Variants in ADAMTS2 observed in about 807,000 individuals in gnomAD.
The protein encoded by ADAMTS2 is A disintegrin and metalloproteinase with thrombospondin motifs 2.
Under a neutral mutation model 123.0 loss-of-function variants are expected in ADAMTS2, and 50 were observed. The observed-to-expected ratio is 0.41, with a 90% CI of 0.32 to 0.51. The LOEUF is 0.51. Among genes scored for constraint, ADAMTS2 ranks in the 20% least tolerant of loss-of-function variants. ADAMTS2 has a pLI of 0.35. For synonymous variants in ADAMTS2, 678 were observed against 695.4 expected, an observed-to-expected ratio of 0.98 and a Z score of 0.39; for missense variants, 1,494 against 1,705.2, an observed-to-expected ratio of 0.88 and a Z score of 2.18.
chr5:179,137,970 C>T lies in ADAMTS2; in HGVS notation c.1776-26G>A, dbSNP rs9286045. ...CTGGAGGAGAAAGCAAAGGCCTTGC[C>T]GCTCCGTGCCATTGGAAAGAGGCAG... On this transcript the variant is annotated intron_variant, in intron 11 of 21. Transcript: ENST00000251582. 209,864 of 1,539,564 alleles carry T rather than the reference C, an allele frequency of 0.14. 16,399 individuals carry two copies. Among genetic ancestry groups the T allele is most frequent in the African/African-American group, 0.32 (23,743 of 73,092 alleles).
chr5:179,114,324 T>C lies in ADAMTS2; in HGVS notation c.3179A>G (p.Lys1060Arg), dbSNP rs1467370354. Residue 1060 changes from lysine to arginine, a missense_variant and splice_region_variant, in exon 22 of 22, where the codon AAG (lysine) becomes AGG (arginine). Coordinates refer to ENST00000251582, the MANE Select transcript of ADAMTS2 (RefSeq NM_014244.5). ...PDSPIRKISS[K>R]GHCQGDKSIF... ...TGACTTGTCGCCTTGGCAGTGGCCC[T>C]CTGAAAAAGAAAAGTGGGACAAATA... 2 of 1,612,852 alleles carry C rather than the reference T, an allele frequency of 1.2e-6. No individual in the cohort carries two copies. The highest frequency in any genetic ancestry group is 1.1e-5 in the South Asian group (1 of 90,876).
Position 179,137,934 on chromosome 5 carries a change from C to G in ADAMTS2, c.1786G>C (p.Gly596Arg), listed in dbSNP as rs1374510958. 6.5e-7 allele frequency: 1 copy of G among 1,547,270 alleles called. No homozygotes were observed. The highest frequency in any genetic ancestry group is 8.7e-7 in the Non-Finnish European group (1 of 1,147,700). The change falls in exon 12 of 22, where the codon GGG (glycine) becomes CGG (arginine). Residue 596 changes from glycine (G) to arginine (R), a missense_variant. This residue lies in a region of ADAMTS2 where 953 missense variants were observed against 1,124.7 expected (regional missense o/e 0.85). Transcript: ENST00000251582. ...RQCDNPHPAN[G>R]GRTCSGLAYD... The stretch of plus-strand genomic sequence containing the variant: ...GCAAGGCCCGAGCAGGTGCGGCCCC[C>G]GTTGGCCGGGCTGGAGGAGAAAGCA...
At chr5:179,246,642 A>G (rs1765806807) in intron 3 of ADAMTS2, among the ~76,000 whole-genome samples, 1 of 152,214 alleles carries the variant, frequency 6.6e-6, no homozygotes, top group Non-Finnish European at 1.5e-5. Context: ...TAGGGTCTGT[A>G]CAAGTAGGAA....
rs992913765 is a variant in ADAMTS2, at chr5:179,317,492, A to G, written c.534+26275T>C. Among the ~76,000 whole-genome samples, 1 of 152,044 alleles carries G rather than the reference A, an allele frequency of 6.6e-6. No individual in the cohort carries two copies. The highest frequency in any genetic ancestry group is 2.4e-5 in the African/African-American group (1 of 41,398). On this transcript the variant is annotated intron_variant, in intron 2 of 21. Coordinates refer to ENST00000251582, the MANE Select transcript of ADAMTS2 (RefSeq NM_014244.5). This position sits in a 1 kb window ranked among gnomAD's most constrained non-coding sequence, Gnocchi z 4.9. ...GAGCAGGTGGGCGGAGGGTGCACTC[A>G]TGAGACTTCTATAAGCACGGACCCA...
At chr5:179,274,054 G>A (rs11249620) in intron 2 of ADAMTS2, among the ~76,000 whole-genome samples, 46,918 of 138,830 alleles carry the variant, frequency 0.34, 8,951 homozygotes, top group Admixed American at 0.43. Flanking sequence ...TTCCCCCTTC[G>A]AGGCCTGATT....
In ADAMTS2 at chr5:179,148,273, C is replaced by A. The variant is rs377744694; in HGVS notation, c.1629+3869G>T. 2.0e-5 allele frequency among the ~76,000 whole-genome samples: 3 copies of A among 152,262 alleles called. No homozygotes were observed. In the East Asian group the frequency reaches 5.8e-4, roughly 29 times the overall value. The stretch of plus-strand genomic sequence containing the variant: ...CTGGCACAGCAGACCCTGTGCTGTG[C>A]CACCCAGATCCCTCTTCAGGACCAA... On this transcript the variant is annotated intron_variant, in intron 10 of 21. Coordinates refer to ENST00000251582, the MANE Select transcript of ADAMTS2 (RefSeq NM_014244.5).
At chr5:179,280,531 A>G (rs549568083) in intron 2 of ADAMTS2, among the ~76,000 whole-genome samples, 2 of 152,298 alleles carry the variant, frequency 1.3e-5, no homozygotes, top group Admixed American at 6.5e-5. Flanking sequence ...AAACTCTACT[A>G]GGACCAAGGA....
intron 3 of ADAMTS2, among the ~76,000 whole-genome samples, chr5:179,218,152 A>T (rs1765046022): frequency 6.6e-6 from 1 of 152,242 alleles, no homozygotes; most frequent in Non-Finnish European, 1.5e-5. Context: ...CCAGAATGCC[A>T]GCCCAGTTCC....
Position 179,234,119 on chromosome 5 carries a change from T to TG in ADAMTS2, c.689-26405dup, listed in dbSNP as rs1278395866. ...CTAATGTCCTCCCAGTAACTCTTCCTGGCTCAGGGCAGCTGGACTTCATGC... is the reference window on the plus strand; with the variant it reads ...CTAATGTCCTCCCAGTAACTCTTCCTGGGCTCAGGGCAGCTGGACTTCATGC... On this transcript the variant is annotated intron_variant, in intron 3 of 21. Transcript: ENST00000251582. This position sits in a 1 kb window ranked among gnomAD's most constrained non-coding sequence, Gnocchi z 4.7. Among the ~76,000 whole-genome samples, 7 of 152,158 alleles carry TG rather than the reference T, an allele frequency of 4.6e-5. No homozygotes were observed. Among genetic ancestry groups the TG allele is most frequent in the Non-Finnish European group, 8.8e-5 (6 of 68,012 alleles).
chr5:179,255,807 C>T (rs921716133), intron 3 of ADAMTS2, among the ~76,000 whole-genome samples: 5 of 152,180 alleles, frequency 3.3e-5, no homozygotes, highest in Non-Finnish European at 7.4e-5. Context: ...CTTGCTCCTT[C>T]CTGGTGTCTT....
intron 4 of ADAMTS2, among the ~76,000 whole-genome samples, chr5:179,207,312 A>G (rs572254419): frequency 2.0e-5 from 3 of 152,310 alleles, no homozygotes; most frequent in Admixed American, 1.3e-4. Flanking sequence ...CGATGTGCAG[A>G]CGAGAGAACT....
chr5:179,281,105 G>T (rs1561681616), intron 2 of ADAMTS2, among the ~76,000 whole-genome samples: 2 of 152,202 alleles, frequency 1.3e-5, no homozygotes, highest in Non-Finnish European at 2.9e-5. Context: ...TGATCCACCT[G>T]CCTCGGCCTC....
intron 2 of ADAMTS2, among the ~76,000 whole-genome samples, chr5:179,322,966 C>T (rs908550888): frequency 2.6e-5 from 4 of 152,222 alleles, no homozygotes. Flanking sequence ...AGCATGGGTG[C>T]GTGAGGACTG....
chr5:179,269,542 G>A (rs1766471257), intron 3 of ADAMTS2, among the ~76,000 whole-genome samples: 1 of 152,112 alleles, frequency 6.6e-6, no homozygotes. Flanking sequence ...AGAACAGCAT[G>A]GGAAAGACCC....
rs1257109395 is a variant in ADAMTS2, at chr5:179,234,312, T to A, written c.689-26597A>T. Among the ~76,000 whole-genome samples the A allele has an allele frequency of 1.3e-5, 2 of 152,130 alleles. No individual in the cohort carries two copies. Among genetic ancestry groups the A allele is most frequent in the Admixed American group, 1.3e-4 (2 of 15,278 alleles). ...CTCAGGTGACTTCTCCAGCTCTGCA[T>A]GGAGAAGGCCTCACCATGCATCTCA... On this transcript the variant is annotated intron_variant, in intron 3 of 21. Coordinates refer to ENST00000251582, the MANE Select transcript of ADAMTS2 (RefSeq NM_014244.5). The surrounding 1 kb of genome is among the most constrained non-coding windows in gnomAD (Gnocchi z 4.7).
In ADAMTS2 at chr5:179,345,371, CG is replaced by C. The variant is rs1239059218; in HGVS notation, c.-44del. ...CGGGGCCCCGCACTCGCAGCCGGCGCGAAAGTTCCCCGCGAGCCGCCCAGCC... is the reference window on the plus strand; with the variant it reads ...CGGGGCCCCGCACTCGCAGCCGGCGCAAAGTTCCCCGCGAGCCGCCCAGCC... On this transcript the variant is annotated 5_prime_UTR_variant, in exon 1 of 22. Coordinates refer to ENST00000251582, the MANE Select transcript of ADAMTS2 (RefSeq NM_014244.5). This position sits in a 1 kb window ranked among gnomAD's most constrained non-coding sequence, Gnocchi z 7.5. 1.4e-5 allele frequency: 16 copies of C among 1,120,260 alleles called. No individual in the cohort carries two copies. The highest frequency in any genetic ancestry group is 1.7e-5 in the Non-Finnish European group (16 of 916,632). The allele number at this position is 1,120,260 out of a possible 1,614,324, so 69.4% of individuals were successfully genotyped here.
intron 5 of ADAMTS2, among the ~76,000 whole-genome samples, chr5:179,178,226 G>A (rs1763970624): frequency 6.6e-6 from 1 of 151,894 alleles, no homozygotes; most frequent in African/African-American, 2.4e-5. Context: ...CTCCACTGGA[G>A]GCAGGCAGCC....
Position 179,345,384 on chromosome 5 carries a change from C to A in ADAMTS2, c.-56G>T. The A allele has an allele frequency of 9.1e-7, 1 of 1,103,786 alleles. No individual in the cohort carries two copies. Among genetic ancestry groups the A allele is most frequent in the Non-Finnish European group, 1.1e-6 (1 of 906,104 alleles). The allele number at this position is 1,103,786 out of a possible 1,614,324, so 68.4% of individuals were successfully genotyped here. ...TCGCAGCCGGCGCGAAAGTTCCCCG[C>A]GAGCCGCCCAGCCCACATCTGGGGG... On this transcript the variant is annotated 5_prime_UTR_variant, in exon 1 of 22. Transcript: ENST00000251582. The surrounding 1 kb of genome is among the most constrained non-coding windows in gnomAD (Gnocchi z 7.5).
At chr5:179,149,133 G>A (rs533771009) in intron 10 of ADAMTS2, among the ~76,000 whole-genome samples, 2 of 152,308 alleles carry the variant, frequency 1.3e-5, no homozygotes, top group Non-Finnish European at 2.9e-5. Flanking sequence ...CTGAGTGCGT[G>A]TGTCCCCTCA....
Sources: gnomAD v4.1 joint callset for allele counts (sites outside exome capture counted in the v4.1 genomes callset) on GRCh38, gnomAD v4.1.1 for gene constraint, gnomAD v4.1.1 regional missense constraint, Gnocchi (gnomAD v3.1) non-coding constraint, MANE v1.5 for transcripts, NCBI Gene and HGNC (gene_info 2026-07-23, HGNC 2026-07-21) for gene names.